SP140: variants seen among roughly 807,000 people sequenced by gnomAD.
SP140 encodes the protein nuclear body protein SP140.
In SP140, 81 loss-of-function variants were observed where a neutral mutation model predicts 125.0. That is an observed-to-expected ratio of 0.65 (90% CI 0.54 to 0.78). The LOEUF is 0.78. Ranked by LOEUF, SP140 falls within the 30% of genes least tolerant of loss-of-function variation. The probability of loss-of-function intolerance (pLI) is 0.00; values close to 1 mark genes in which losing one functional copy is unlikely to be tolerated. For synonymous variants in SP140, 312 were observed against 354.0 expected, an observed-to-expected ratio of 0.88 and a Z score of 1.33; for missense variants, 858 against 1,037.0, an observed-to-expected ratio of 0.83 and a Z score of 2.37.
At chr2:230,307,990 T>TATATATATAG (rs869070046) in intron 22 of SP140, among the ~76,000 whole-genome samples, 1 of 52,638 alleles carries the variant, frequency 1.9e-5, no homozygotes, top group Non-Finnish European at 3.7e-5. Flanking sequence ...TATATATATA[T>TATATATATAG]ACACACACAC....
At chr2:230,285,868 C>T (rs1180049211) in intron 17 of SP140, 36 bp downstream of exon 17, 1 of 1,482,100 alleles carries the variant, frequency 6.7e-7, no homozygotes, top group African/African-American at 1.4e-5. Context: ...CTTTGCCCTA[C>T]AGGTCAATAC....
At position 230,232,993 on chromosome 2, in the gene SP140, T is replaced by A. The variant is rs2047470559; in HGVS notation, c.60-4090T>A. Among the ~76,000 whole-genome samples, 2 of 152,218 alleles carry A rather than the reference T, an allele frequency of 1.3e-5. 1 individual carries two copies. The highest frequency in any genetic ancestry group is 4.1e-4 in the South Asian group (2 of 4,834). On this transcript the variant is annotated intron_variant, in intron 1 of 26. Transcript: ENST00000392045. ...ATTTTTAATGTTATTTTATCTCTGT[T>A]ATGTCTCTTGTAGTTAGATTCTATT...
chr2:230,196,326 A>G, the SP140 span, among the ~76,000 whole-genome samples: 1 of 152,188 alleles, frequency 6.6e-6, no homozygotes, highest in Non-Finnish European at 1.5e-5. Context: ...TTATTTAAAC[A>G]AATTGCGGTG....
rs779319909 is a variant in SP140 at position 230,248,886 on chromosome 2, G to A, written c.894G>A (p.Glu298=). 1.2e-6 allele frequency: 2 copies of A among 1,611,166 alleles called. No individual in the cohort carries two copies. Among genetic ancestry groups the A allele is most frequent in the Non-Finnish European group, 1.7e-6 (2 of 1,177,574 alleles). The change falls in exon 9 of 27, where the codon GAG becomes GAA. Residue 298 remains glutamate (E), a splice_region_variant and synonymous_variant. Transcript: ENST00000392045. The stretch of plus-strand genomic sequence containing the variant: ...TGTCAATTTCTTGTTTATCTGCAGA[G>A]ACCTTTGATCTAAAAACTCCCCAAG... ...YQESPEGRDK[E]TFDLKTPQVT...
intron 12 of SP140, among the ~76,000 whole-genome samples, chr2:230,268,322 G>A (rs1406624733): frequency 1.3e-5 from 2 of 152,008 alleles, no homozygotes; most frequent in Admixed American, 6.6e-5. Flanking sequence ...TCAGGAGTTC[G>A]AGACCAGCCT....
chr2:230,196,949 A>T, the SP140 span, among the ~76,000 whole-genome samples: 2 of 152,144 alleles, frequency 1.3e-5, no homozygotes, highest in Non-Finnish European at 2.9e-5. Flanking sequence ...TCGTTGTTGG[A>T]CATTTGGGTT....
chr2:230,251,431 A>G (rs549097611), intron 10 of SP140, among the ~76,000 whole-genome samples: 1 of 152,308 alleles, frequency 6.6e-6, no homozygotes, highest in East Asian at 1.9e-4. Flanking sequence ...AAACCTTAAG[A>G]TGGGGCCAGA....
At chr2:230,290,767 G>T (rs2057023752) in intron 19 of SP140, among the ~76,000 whole-genome samples, 1 of 152,222 alleles carries the variant, frequency 6.6e-6, no homozygotes, top group African/African-American at 2.4e-5. Flanking sequence ...GGAATGTCCA[G>T]AGGGTGCCCA....
At chr2:230,231,880 T>A (rs927061787) in intron 1 of SP140, among the ~76,000 whole-genome samples, 6 of 152,170 alleles carry the variant, frequency 3.9e-5, no homozygotes, top group Admixed American at 3.9e-4. Context: ...CTAATTTTCT[T>A]TTGTGTTTTT....
chr2:230,225,703 A>G (rs982512879), upstream of SP140: 4 of 725,028 alleles, frequency 5.5e-6, no homozygotes, highest in African/African-American at 1.7e-5. Context: ...GAGTTGGTGC[A>G]CCCACGTCAG....
the SP140 span, among the ~76,000 whole-genome samples, chr2:230,191,486 C>A: frequency 6.6e-6 from 1 of 152,156 alleles, no homozygotes; most frequent in South Asian, 2.1e-4. Flanking sequence ...AAACTACCAT[C>A]AGAGAATACT....
At chr2:230,217,834 T>TA (rs1310685482) in intron 3 of SP140, among the ~76,000 whole-genome samples, 32 of 152,300 alleles carry the variant, frequency 2.1e-4, no homozygotes, top group Non-Finnish European at 2.5e-4. Flanking sequence ...GGGACCACCC[T>TA]AAAATGGGTA....
At chr2:230,284,162 C>G in intron 15 of SP140, among the ~76,000 whole-genome samples, 184 bp from the exon 16 acceptor site, 1 of 152,186 alleles carries the variant, frequency 6.6e-6, no homozygotes, top group East Asian at 1.9e-4. Context: ...TGGCCCAAGG[C>G]TCATGCAGAG....
intron 22 of SP140, among the ~76,000 whole-genome samples, chr2:230,300,300 G>T (rs2149540820): frequency 6.6e-6 from 1 of 152,278 alleles, no homozygotes; most frequent in South Asian, 2.1e-4. Flanking sequence ...CAAAGATCCT[G>T]AGTCTGTCCC....
Position 230,212,888 on chromosome 2 carries a change from A to G in SP140, c.-322-766A>G, listed in dbSNP as rs1377918479. Reference sequence around the variant, plus strand: ...TTCCAGGCTCACTGACTCTTGGCGCACAGGGTGAACAGCTTGGTTGAGGGG... The same window carrying G: ...TTCCAGGCTCACTGACTCTTGGCGCGCAGGGTGAACAGCTTGGTTGAGGGG... On this transcript the variant is annotated intron_variant, in intron 1 of 4. Transcript: ENST00000456542. 11 of 1,614,090 alleles carry G rather than the reference A, an allele frequency of 6.8e-6. No homozygotes were observed. Among genetic ancestry groups the G allele is most frequent in the African/African-American group, 4.0e-5 (3 of 74,998 alleles).
rs745753910 is a variant in SP140, at chr2:230,292,728, A to G, written c.1908A>G (p.Arg636=). 5.0e-6 allele frequency: 8 copies of G among 1,614,134 alleles called. No homozygotes were observed. The highest frequency in any genetic ancestry group is 2.2e-5 in the East Asian group (1 of 44,906). The change falls in exon 20 of 27, where the codon AGA becomes AGG. Residue 636 remains arginine, a synonymous_variant. Coordinates refer to ENST00000392045, the MANE Select transcript of SP140 (RefSeq NM_007237.5). ...TEFEIKGGHA[R]SKNWRLSVRC... is the part of the protein sequence containing the mutation. ...TTGAAATCAAAGGAGGCCATGCAAGATCAAAGAACTGGAGGCTGAGTGTGC... is the reference window on the plus strand; with the variant it reads ...TTGAAATCAAAGGAGGCCATGCAAGGTCAAAGAACTGGAGGCTGAGTGTGC...
At chr2:230,223,594 T>A (rs778126048), upstream of SP140, among the ~76,000 whole-genome samples, 11 of 152,224 alleles carry the variant, frequency 7.2e-5, no homozygotes, top group Non-Finnish European at 1.5e-4. Context: ...GGTTGAATTA[T>A]AGGCAAGAGA....
At chr2:230,254,977 A>G (rs1304077958) in intron 11 of SP140, among the ~76,000 whole-genome samples, 3 of 151,988 alleles carry the variant, frequency 2.0e-5, no homozygotes, top group Non-Finnish European at 4.4e-5. Context: ...GTTCATTTCC[A>G]CTATCCCAGG....
In SP140 at chr2:230,241,414, A is replaced by G. The variant is rs2048712228; in HGVS notation, c.417A>G (p.Glu139=). Residue 139 remains glutamate, a synonymous_variant, in exon 4 of 27, where the codon GAA becomes GAG. Coordinates refer to ENST00000392045, the MANE Select transcript of SP140 (RefSeq NM_007237.5). Reference sequence around the variant, plus strand: ...CATTGTTTTCCTCAGTATGCTATGAACACTCACCTCTCCAAATGAATAATG... The same window carrying G: ...CATTGTTTTCCTCAGTATGCTATGAGCACTCACCTCTCCAAATGAATAATG... ...IYRSFQNVCY[E]HSPLQMNNVN... The G allele has an allele frequency of 6.3e-7, 1 of 1,592,430 alleles. No homozygotes were observed. The highest frequency in any genetic ancestry group is 1.1e-5 in the South Asian group (1 of 90,656).
Sources: allele counts gnomAD v4.1 joint callset (sites outside exome capture counted in the v4.1 genomes callset), GRCh38; gene constraint gnomAD v4.1.1; transcripts MANE v1.5; gene names NCBI Gene and HGNC (gene_info 2026-07-23, HGNC 2026-07-21).